Variants in KCNAB2 observed in about 807,000 individuals in gnomAD.
KCNAB2 encodes voltage-gated potassium channel subunit beta-2.
Under a neutral mutation model 63.6 loss-of-function variants are expected in KCNAB2, and 29 were observed. That is an observed-to-expected ratio of 0.46 (90% CI 0.34 to 0.62). The LOEUF (loss-of-function observed/expected upper bound fraction) is 0.62. Ranked by LOEUF, KCNAB2 falls within the 20% of genes least tolerant of loss-of-function variation. KCNAB2 has a pLI of 0.01. For missense variants in KCNAB2, 359 were observed against 563.9 expected (o/e 0.64, Z 3.68); for synonymous variants, 222 against 224.2 (o/e 0.99, Z 0.09).
chr1:6,020,105 C>G (rs772286501), intron 1 of KCNAB2, among the ~76,000 whole-genome samples: 1 of 152,126 alleles, frequency 6.6e-6, no homozygotes, highest in Non-Finnish European at 1.5e-5. Flanking sequence ...TCTGCATGCT[C>G]GGAGGCTTCA....
chr1:6,087,616 A>G lies in KCNAB2; in HGVS notation c.470+105A>G. ...AAGGCTCCTGGGGTGGCGGGAGGAC[A>G]GTCCTCCTTGAGAAGGGAGAGTGGT... On this transcript the variant is annotated intron_variant, in intron 7 of 15. Coordinates refer to ENST00000378083, the MANE Select transcript of KCNAB2 (RefSeq NM_001199862.2). This position sits in a 1 kb window ranked among gnomAD's most constrained non-coding sequence, Gnocchi z 6.4. The G allele has an allele frequency of 8.2e-7, 1 of 1,222,306 alleles. No homozygotes were observed. Among genetic ancestry groups the G allele is most frequent in the Non-Finnish European group, 1.2e-6 (1 of 833,290 alleles). The allele number at this position is 1,222,306 out of a possible 1,614,324, so 75.7% of individuals were successfully genotyped here.
chr1:6,084,714 G>A (rs1425580809), intron 5 of KCNAB2, among the ~76,000 whole-genome samples: 3 of 151,978 alleles, frequency 2.0e-5, no homozygotes, highest in East Asian at 3.9e-4. Flanking sequence ...TACTTGGGAG[G>A]CTGAGGCAGG....
intron 1 of KCNAB2, among the ~76,000 whole-genome samples, chr1:6,039,376 G>T (rs4908726): frequency 6.6e-6 from 1 of 152,154 alleles, no homozygotes; most frequent in Non-Finnish European, 1.5e-5. Flanking sequence ...GGAGGAAGGC[G>T]TGCAGAGCTG....
In KCNAB2 at chr1:6,091,246, C is replaced by A; in HGVS notation, c.602-17C>A. The A allele has an allele frequency of 1.3e-6, 2 of 1,527,186 alleles. No homozygotes were observed. The highest frequency in any genetic ancestry group is 1.8e-6 in the Non-Finnish European group (2 of 1,138,782). The allele number at this position is 1,527,186 out of a possible 1,614,324, so 94.6% of individuals were successfully genotyped here. A position where few individuals can be genotyped will look rare whatever the true frequency, so the allele number is the denominator to read the frequency against. The stretch of plus-strand genomic sequence containing the variant: ...GCTATCAACTCTGGTCTCTTTAAAT[C>A]TTTCTTCTATCACCAGGGGACCCAT... On this transcript the variant is annotated splice_polypyrimidine_tract_variant and intron_variant, in intron 9 of 15. Transcript: ENST00000378083.
rs1410586754 is a variant in KCNAB2, at chr1:6,069,136, G to T, written c.219-3619G>T. ...TGGAAGCCCAGCCTGTCCTTAGGGA[G>T]CCTGGAATCTCGGAGCAGGGCAGGC... On this transcript the variant is annotated intron_variant, in intron 2 of 15. Transcript: ENST00000378083. The surrounding 1 kb of genome is among the most constrained non-coding windows in gnomAD (Gnocchi z 5.4). 6.6e-6 allele frequency among the ~76,000 whole-genome samples: 1 copy of T among 152,206 alleles called. No individual in the cohort carries two copies. Among genetic ancestry groups the T allele is most frequent in the Non-Finnish European group, 1.5e-5 (1 of 68,032 alleles).
chr1:6,098,546 C>T lies in KCNAB2; in HGVS notation c.1220C>T (p.Pro407Leu). Residue 407 changes from proline (P) to leucine (L), a missense_variant, in exon 16 of 16, where the codon CCC (proline) becomes CTC (leucine). Physicochemically the swap from Pro to Leu is moderately conservative, Grantham distance 98. This residue lies in a region of KCNAB2 where 271 missense variants were observed against 476.1 expected (regional missense o/e 0.57). Coordinates refer to ENST00000378083, the MANE Select transcript of KCNAB2 (RefSeq NM_001199862.2). ...HEIDSILGNK[P>L]YSKKDYRS ...ATTGATAGTATTTTGGGCAATAAAC[C>T]CTACAGCAAAAAGGACTACAGATCC... 6.2e-7 allele frequency: 1 copy of T among 1,613,998 alleles called. No individual in the cohort carries two copies. Among genetic ancestry groups the T allele is most frequent in the Non-Finnish European group, 8.5e-7 (1 of 1,179,998 alleles).
intron 1 of KCNAB2, among the ~76,000 whole-genome samples, chr1:6,013,822 C>G (rs970959563): frequency 1.3e-5 from 2 of 152,148 alleles, no homozygotes; most frequent in Non-Finnish European, 2.9e-5. Flanking sequence ...CCGGGCCCCC[C>G]CAGCAGTCGG....
intron 1 of KCNAB2, chr1:6,040,450 G>A (rs779871138): frequency 5.0e-5 from 43 of 868,212 alleles, no homozygotes; most frequent in Middle Eastern, 2.2e-4. Flanking sequence ...AGAGTCTCCC[G>A]GCCAAACCTG....
chr1:6,058,586 G>A (rs540057921), intron 2 of KCNAB2, among the ~76,000 whole-genome samples: 6 of 152,276 alleles, frequency 3.9e-5, no homozygotes, highest in African/African-American at 4.8e-5. Context: ...GGCCCTTCCC[G>A]TCCCTGGAAA....
At chr1:6,009,507 G>GAAC (rs1658027220) in intron 1 of KCNAB2, among the ~76,000 whole-genome samples, 1 of 152,254 alleles carries the variant, frequency 6.6e-6, no homozygotes, top group Non-Finnish European at 1.5e-5. Flanking sequence ...GACTGGCCTG[G>GAAC]AACACACTGT....
Position 6,002,148 on chromosome 1 carries a change from C to T in KCNAB2, c.-53+9360C>T, listed in dbSNP as rs1245667959. 2.0e-5 allele frequency among the ~76,000 whole-genome samples: 3 copies of T among 152,352 alleles called. No individual in the cohort carries two copies. In the East Asian group the frequency reaches 5.8e-4, roughly 29 times the overall value. ...AAGCTTCCTACAGGCCAGCAAACAT[C>T]GTCCCCAGCACTGGCTCCCTGATTT... On this transcript the variant is annotated intron_variant, in intron 1 of 16. Coordinates refer to the KCNAB2 transcript ENST00000341524.
chr1:6,028,405 G>T lies in KCNAB2; in HGVS notation c.-52-12112G>T, dbSNP rs973669987. Among the ~76,000 whole-genome samples the T allele has an allele frequency of 6.6e-6, 1 of 152,192 alleles. No individual in the cohort carries two copies. Among genetic ancestry groups the T allele is most frequent in the Non-Finnish European group, 1.5e-5 (1 of 68,034 alleles). On this transcript the variant is annotated intron_variant, in intron 1 of 16. Transcript: ENST00000341524. The surrounding 1 kb of genome is among the most constrained non-coding windows in gnomAD (Gnocchi z 4.0). ...CAGTAGTCACGGCAGATACTTCGGG[G>T]GCTTGGCAGGGGGGACCTCCGGGGT...
At position 6,071,901 on chromosome 1, in the gene KCNAB2, C is replaced by T. The variant is rs1302768377; in HGVS notation, c.219-854C>T. On this transcript the variant is annotated intron_variant, in intron 2 of 15. Coordinates refer to ENST00000378083, the MANE Select transcript of KCNAB2 (RefSeq NM_001199862.2). This position sits in a 1 kb window ranked among gnomAD's most constrained non-coding sequence, Gnocchi z 8.5. ...TCCTGCCGCGTAGGGCTCCTCCTGC[C>T]GCGTAGGGCTCCCGGGAGGATCCGG... 2.0e-5 allele frequency among the ~76,000 whole-genome samples: 3 copies of T among 151,700 alleles called. No homozygotes were observed. Among genetic ancestry groups the T allele is most frequent in the Admixed American group, 2.0e-4 (3 of 15,262 alleles).
At chr1:5,997,958 GGAAAGGGAT>G (rs1179314840) in intron 1 of KCNAB2, among the ~76,000 whole-genome samples, 2 of 152,266 alleles carry the variant, frequency 1.3e-5, no homozygotes, top group Non-Finnish European at 2.9e-5. Flanking sequence ...CTGAGACCCA[GGAAAGGGAT>G]GCAGTGACCA....
chr1:6,005,816 G>T (rs1240074108), intron 1 of KCNAB2, among the ~76,000 whole-genome samples: 2 of 151,830 alleles, frequency 1.3e-5, no homozygotes, highest in Admixed American at 6.5e-5. Flanking sequence ...CCCTGGCAGG[G>T]ACCACGGGTG....
chr1:5,999,844 C>T (rs571676126), intron 1 of KCNAB2, among the ~76,000 whole-genome samples: 2 of 151,512 alleles, frequency 1.3e-5, no homozygotes, highest in African/African-American at 2.4e-5. Flanking sequence ...ACCCCATGTG[C>T]GCCCCATCCG....
chr1:6,099,620 G>A lies in KCNAB2; in HGVS notation c.*1046G>A, dbSNP rs1030866861. ...AGCCCAGGCCGCTGCTCTGCACCGA[G>A]CTGGTGGGCTTGGGTTTTGTGGAGC... On this transcript the variant is annotated 3_prime_UTR_variant, in exon 16 of 16. Transcript: ENST00000378083. The A allele has an allele frequency of 2.5e-6, 2 of 815,610 alleles. No homozygotes were observed. The highest frequency in any genetic ancestry group is 1.7e-5 in the African/African-American group (1 of 57,720). The allele number at this position is 815,610 out of a possible 1,614,324, so 50.5% of individuals were successfully genotyped here. A position where few individuals can be genotyped will look rare whatever the true frequency, so the allele number is the denominator to read the frequency against.
At chr1:6,055,643 A>C (rs2100558818) in intron 2 of KCNAB2, among the ~76,000 whole-genome samples, 1 of 152,286 alleles carries the variant, frequency 6.6e-6, no homozygotes, top group South Asian at 2.1e-4. Context: ...GGCATGAGCC[A>C]TCTCACCCCA....
Position 6,070,385 on chromosome 1 carries a change from C to G in KCNAB2, c.219-2370C>G, listed in dbSNP as rs3789548. Among the ~76,000 whole-genome samples, 4 of 152,252 alleles carry G rather than the reference C, an allele frequency of 2.6e-5. No homozygotes were observed. In the East Asian group the frequency reaches 7.7e-4, roughly 29 times the overall value. On this transcript the variant is annotated intron_variant, in intron 2 of 15. Transcript: ENST00000378083. ...TTCTAGCCAGCATGGGGGAAATTAC[C>G]TAAACTTCTAAACTGACCAGGCTTA...
Sources: allele counts gnomAD v4.1 joint callset (sites outside exome capture counted in the v4.1 genomes callset), GRCh38; gene constraint gnomAD v4.1.1; regional missense constraint gnomAD v4.1.1; non-coding constraint Gnocchi (gnomAD v3.1); transcripts MANE v1.5; gene names NCBI Gene and HGNC (gene_info 2026-07-23, HGNC 2026-07-21).